SPINK6: variants seen among roughly 807,000 people sequenced by gnomAD.
SPINK6 encodes serine peptidase inhibitor Kazal type 6, also known as serine protease inhibitor Kazal-type 6.
In SPINK6, 13 loss-of-function variants were observed where a neutral mutation model predicts 11.7. That is an observed-to-expected ratio of 1.11 (90% CI 0.72 to 1.76). SPINK6 has a LOEUF of 1.76. Ranked by LOEUF, SPINK6 falls within the 40% of genes most tolerant of loss-of-function variation. SPINK6 has a pLI of 0.00. For missense variants in SPINK6, 98 were observed against 93.7 expected (o/e 1.05, Z -0.19); for synonymous variants, 21 against 31.9 (o/e 0.66, Z 1.15).
intron 2 of SPINK6, among the ~76,000 whole-genome samples, chr5:148,212,954 T>C (rs987489956): frequency 8.8e-5 from 13 of 147,896 alleles, no homozygotes; most frequent in African/African-American, 3.2e-4. Context: ...TATATACATA[T>C]CCTATATAGA....
intron 1 of SPINK6, among the ~76,000 whole-genome samples, chr5:148,205,601 T>G (rs1755487052): frequency 6.6e-6 from 1 of 152,202 alleles, no homozygotes; most frequent in Non-Finnish European, 1.5e-5. Context: ...CTTTCCCAAC[T>G]GCCTGTGGCA....
intron 2 of SPINK6, among the ~76,000 whole-genome samples, chr5:148,206,348 A>C (rs1755499574): frequency 6.6e-6 from 1 of 152,158 alleles, no homozygotes; most frequent in Non-Finnish European, 1.5e-5. Context: ...ATCTTGGGGA[A>C]GTTACTCAAC....
chr5:148,210,060 A>G (rs1030873273), intron 2 of SPINK6, among the ~76,000 whole-genome samples: 1 of 113,454 alleles, frequency 8.8e-6, no homozygotes, highest in African/African-American at 2.8e-5. Context: ...ATATGTATGT[A>G]TATGTATGTA....
chr5:148,204,793 A>G (rs1028274847), intron 1 of SPINK6, among the ~76,000 whole-genome samples: 5 of 152,124 alleles, frequency 3.3e-5, no homozygotes, highest in African/African-American at 1.2e-4. Context: ...GTGAATATTA[A>G]TCCTGTTTTT....
rs199999421 is a variant in SPINK6 at position 148,210,456 on chromosome 5, A to G, written c.82-3454A>G. On this transcript the variant is annotated intron_variant, in intron 2 of 3. Transcript: ENST00000325630. ...TACATATATATGTATGTGTTTCTGC[A>G]TACATATATATGTATGTGTTTCTGC... Among the ~76,000 whole-genome samples the G allele has an allele frequency of 6.6e-4, 99 of 149,736 alleles. 8 individuals carry two copies. In the East Asian group the frequency reaches 0.017, roughly 25 times the overall value.
chr5:148,210,272 G>T (rs185967330), intron 2 of SPINK6, among the ~76,000 whole-genome samples: 1 of 87,172 alleles, frequency 1.1e-5, no homozygotes, highest in East Asian at 3.5e-4. Context: ...ATATGTATGT[G>T]TTTCTGCATA....
intron 2 of SPINK6, among the ~76,000 whole-genome samples, chr5:148,212,971 T>C (rs1755632336): frequency 6.7e-6 from 1 of 148,734 alleles, no homozygotes; most frequent in Admixed American, 6.8e-5. Context: ...TAGATTAGTT[T>C]ATGTGTATAT....
chr5:148,206,416 T>C (rs953659802), intron 2 of SPINK6, among the ~76,000 whole-genome samples: 7 of 152,278 alleles, frequency 4.6e-5, no homozygotes, highest in East Asian at 3.9e-4. Context: ...CTTCATAGAA[T>C]TGCAATTATA....
chr5:148,211,574 T>A (rs1581142995), intron 2 of SPINK6, among the ~76,000 whole-genome samples: 1 of 152,194 alleles, frequency 6.6e-6, no homozygotes, highest in Admixed American at 6.5e-5. Flanking sequence ...ATGACATGTG[T>A]TCCTTGTTGT....
intron 1 of SPINK6, 33 bp from the exon 2 acceptor site, chr5:148,206,002 AT>A: frequency 6.2e-7 from 1 of 1,613,164 alleles, no homozygotes; most frequent in Non-Finnish European, 8.5e-7. Context: ...ACATCAATGA[AT>A]TACAGTGTTT....
At chr5:148,214,778 T>G (rs1755659973) in intron 3 of SPINK6, 127 bp from the exon 4 acceptor site, 1 of 717,020 alleles carries the variant, frequency 1.4e-6, no homozygotes, top group South Asian at 2.1e-5. Flanking sequence ...ATCTTCTGAA[T>G]CATATAAATG....
At chr5:148,212,754 A>G (rs1755629065) in intron 2 of SPINK6, among the ~76,000 whole-genome samples, 1 of 123,596 alleles carries the variant, frequency 8.1e-6, no homozygotes, top group Non-Finnish European at 1.6e-5. Flanking sequence ...TACATTTTAT[A>G]TAAAGTATAT....
intron 1 of SPINK6, among the ~76,000 whole-genome samples, chr5:148,203,995 A>T (rs2113304733): frequency 6.6e-6 from 1 of 152,182 alleles, no homozygotes; most frequent in Non-Finnish European, 1.5e-5. Context: ...TAAAGAAATA[A>T]CATAATTTTC....
chr5:148,210,294 A>ATGTGTTTCTGCGTACATATATATGTATG (rs372861077), intron 2 of SPINK6, among the ~76,000 whole-genome samples: 1 of 8,136 alleles, frequency 1.2e-4, no homozygotes, highest in East Asian at 3.6e-3. Context: ...ATATATATGT[A>ATGTGTTTCTGCGTACATATATATGTATG]TGTTTCTGCA....
intron 1 of SPINK6, among the ~76,000 whole-genome samples, chr5:148,203,625 C>T (rs1192453345): frequency 6.6e-6 from 1 of 152,028 alleles, no homozygotes; most frequent in East Asian, 1.9e-4. Context: ...ATTTTCCTCC[C>T]CTTAGTTATT....
In SPINK6 at chr5:148,215,060, C is replaced by T; in HGVS notation, c.*110C>T. 1 of 1,023,232 alleles carries T rather than the reference C, an allele frequency of 9.8e-7. No homozygotes were observed. Among genetic ancestry groups the T allele is most frequent in the Non-Finnish European group, 1.5e-6 (1 of 664,342 alleles). The allele number at this position is 1,023,232 out of a possible 1,614,324, so 63.4% of individuals were successfully genotyped here. A position where few individuals can be genotyped will look rare whatever the true frequency, so the allele number is the denominator to read the frequency against. Reference sequence around the variant, plus strand: ...TTTAATTCATAAAGACATACCTACTCTGCCTGGGTCTTGAGGAGTTCAATG... The same window carrying T: ...TTTAATTCATAAAGACATACCTACTTTGCCTGGGTCTTGAGGAGTTCAATG... On this transcript the variant is annotated 3_prime_UTR_variant, in exon 4 of 4. Coordinates refer to ENST00000325630, the MANE Select transcript of SPINK6 (RefSeq NM_205841.4).
At chr5:148,206,184 A>G in intron 2 of SPINK6, 126 bp downstream of exon 2, 1 of 858,592 alleles carries the variant, frequency 1.2e-6, no homozygotes, top group Non-Finnish European at 1.9e-6. Flanking sequence ...TTATGCAGAC[A>G]TCAGCAGAAA....
At chr5:148,211,040 A>G (rs1289987189) in intron 2 of SPINK6, among the ~76,000 whole-genome samples, 1 of 152,166 alleles carries the variant, frequency 6.6e-6, no homozygotes, top group Non-Finnish European at 1.5e-5. Flanking sequence ...TAAACCTAAA[A>G]CACTAGACTT....
At chr5:148,209,645 C>A (rs80234648) in intron 2 of SPINK6, among the ~76,000 whole-genome samples, 1 of 151,728 alleles carries the variant, frequency 6.6e-6, no homozygotes, top group African/African-American at 2.4e-5. Flanking sequence ...CTCACCCAGC[C>A]GAAATTAAGG....
Sources: allele counts gnomAD v4.1 joint callset (sites outside exome capture counted in the v4.1 genomes callset), GRCh38; gene constraint gnomAD v4.1.1; transcripts MANE v1.5; gene names NCBI Gene and HGNC (gene_info 2026-07-23, HGNC 2026-07-21).